HHAT: variants seen among roughly 807,000 people sequenced by gnomAD.
The protein encoded by HHAT is hedgehog acyltransferase.
HHAT carries 47 observed loss-of-function variants against 70.8 expected under a neutral mutation model. The observed-to-expected ratio is 0.66, with a 90% CI of 0.53 to 0.85. The LOEUF (loss-of-function observed/expected upper bound fraction) is 0.85. HHAT is among the 40% of genes least tolerant of loss of function. HHAT has a pLI of 0.00. For missense variants in HHAT, 609 were observed against 604.8 expected, an observed-to-expected ratio of 1.01 and a Z score of -0.07; for synonymous variants, 228 against 247.6, an observed-to-expected ratio of 0.92 and a Z score of 0.74.
intron 11 of HHAT, among the ~76,000 whole-genome samples, chr1:210,627,992 C>T (rs1289122365): frequency 6.6e-6 from 1 of 152,308 alleles, no homozygotes; most frequent in East Asian, 1.9e-4. Flanking sequence ...GGAGCTTTCT[C>T]ATGCCTACCA....
At chr1:210,425,497 C>G (rs1261742614) in intron 7 of HHAT, among the ~76,000 whole-genome samples, 2 of 152,022 alleles carry the variant, frequency 1.3e-5, no homozygotes, top group Admixed American at 1.3e-4. Context: ...TGTCTTTAAT[C>G]GATCTTGGGT....
At chr1:210,388,583 C>T (rs1321718152) in intron 4 of HHAT, among the ~76,000 whole-genome samples, 1 of 152,006 alleles carries the variant, frequency 6.6e-6, no homozygotes, top group Non-Finnish European at 1.5e-5. Flanking sequence ...GGCTGCTGAA[C>T]TGGCAAAATC....
chr1:210,389,423 T>G (rs1166395220), intron 4 of HHAT, among the ~76,000 whole-genome samples: 4 of 152,200 alleles, frequency 2.6e-5, no homozygotes, highest in Admixed American at 6.5e-5. Flanking sequence ...CATGACATGG[T>G]TTGGCTCTGT....
At chr1:210,500,066 C>T (rs1019732213) in intron 8 of HHAT, among the ~76,000 whole-genome samples, 5 of 152,100 alleles carry the variant, frequency 3.3e-5, no homozygotes, top group African/African-American at 1.2e-4. Flanking sequence ...AGCCTGTGTA[C>T]CTCATTCCAG....
At chr1:210,375,046 C>T (rs2090073808) in intron 3 of HHAT, among the ~76,000 whole-genome samples, 1 of 152,244 alleles carries the variant, frequency 6.6e-6, no homozygotes, top group South Asian at 2.1e-4. Flanking sequence ...AGGAACTTGA[C>T]ATTAGTACAA....
chr1:210,498,750 G>A (rs2094696581), intron 8 of HHAT, among the ~76,000 whole-genome samples: 1 of 150,680 alleles, frequency 6.6e-6, no homozygotes, highest in African/African-American at 2.4e-5. Flanking sequence ...TTGCTTCCTT[G>A]CCTTGCAGTC....
chr1:210,424,040 A>C (rs2092984520), intron 7 of HHAT, among the ~76,000 whole-genome samples: 1 of 152,164 alleles, frequency 6.6e-6, no homozygotes, highest in Non-Finnish European at 1.5e-5. Flanking sequence ...GTGGTTCCAC[A>C]CAATTTTTAG....
chr1:210,584,144 G>A (rs532943731), intron 9 of HHAT, among the ~76,000 whole-genome samples: 4 of 151,710 alleles, frequency 2.6e-5, no homozygotes, highest in African/African-American at 7.2e-5. Flanking sequence ...GGTTCACCAC[G>A]TTGGCCAGGC....
At chr1:210,389,323 CAGG>C (rs2091294591) in intron 4 of HHAT, among the ~76,000 whole-genome samples, 1 of 152,214 alleles carries the variant, frequency 6.6e-6, no homozygotes, top group African/African-American at 2.4e-5. Flanking sequence ...TGAGGCAGTG[CAGG>C]AGATCACGTG....
At chr1:210,378,596 T>C (rs979205716) in intron 3 of HHAT, among the ~76,000 whole-genome samples, 4 of 152,248 alleles carry the variant, frequency 2.6e-5, no homozygotes, top group African/African-American at 9.6e-5. Context: ...TGTGATACTT[T>C]GATACCTCTA....
At chr1:210,498,774 C>CTTT (rs36053258) in intron 8 of HHAT, among the ~76,000 whole-genome samples, 5 of 119,854 alleles carry the variant, frequency 4.2e-5, no homozygotes, top group South Asian at 5.5e-4. Flanking sequence ...TTTTTTTTTT[C>CTTT]TTTTTTTTTT....
chr1:210,540,636 ATT>A (rs34401666), intron 9 of HHAT, among the ~76,000 whole-genome samples: 6 of 147,612 alleles, frequency 4.1e-5, no homozygotes, highest in African/African-American at 1.5e-4. Flanking sequence ...GTAGTTATTG[ATT>A]TTTTTTTTTT....
chr1:210,458,508 A>G (rs763206094), intron 7 of HHAT, among the ~76,000 whole-genome samples: 1 of 152,182 alleles, frequency 6.6e-6, no homozygotes, highest in Non-Finnish European at 1.5e-5. Context: ...GGGCAGTTAG[A>G]AAAACTTTAA....
intron 1 of HHAT, among the ~76,000 whole-genome samples, chr1:210,337,469 A>G (rs1390984901): frequency 3.3e-5 from 5 of 152,232 alleles, no homozygotes; most frequent in Non-Finnish European, 7.3e-5. Flanking sequence ...GAAGTCCAAA[A>G]TGGGTCAGCA....
At chr1:210,402,162 A>G (rs553082175) in intron 5 of HHAT, among the ~76,000 whole-genome samples, 1 of 152,216 alleles carries the variant, frequency 6.6e-6, no homozygotes, top group South Asian at 2.1e-4. Context: ...TGGCAAGAAC[A>G]CAAGTCCAAG....
intron 10 of HHAT, among the ~76,000 whole-genome samples, chr1:210,620,424 T>C (rs1330652365): frequency 6.6e-6 from 1 of 152,148 alleles, no homozygotes; most frequent in Non-Finnish European, 1.5e-5. Flanking sequence ...CCTGTCCCCT[T>C]TGCTGTTAGT....
chr1:210,341,900 C>G (rs145018870), intron 1 of HHAT, among the ~76,000 whole-genome samples: 30 of 152,198 alleles, frequency 2.0e-4, no homozygotes, highest in Admixed American at 1.4e-3. Context: ...CCCTCTGATT[C>G]CAGGGAAAAC....
chr1:210,465,070 C>T (rs757252868), intron 8 of HHAT, among the ~76,000 whole-genome samples: 1 of 152,184 alleles, frequency 6.6e-6, no homozygotes, highest in Non-Finnish European at 1.5e-5. Flanking sequence ...ATACTATTTA[C>T]TAAATCTAAG....
chr1:210,370,163 CT>C lies in HHAT; in HGVS notation c.159+7270del, dbSNP rs200442278. ...TATTTTCTCCTAGCTTCTTCAATGA[CT>C]TTTTTTTTTTTTTTTTTTTTTTTTT... is the stretch of plus-strand genomic sequence containing the variant. On this transcript the variant is annotated intron_variant, in intron 3 of 11. Coordinates refer to ENST00000261458, the MANE Select transcript of HHAT (RefSeq NM_018194.6). 8.7e-3 allele frequency among the ~76,000 whole-genome samples: 1,065 copies of C among 122,130 alleles called. 11 individuals are homozygous for C. Among genetic ancestry groups the C allele is most frequent in the African/African-American group, 0.031 (911 of 29,336 alleles). 80.1% of individuals were successfully genotyped at this position (122,130 alleles called of 152,430 possible). A position where few individuals can be genotyped will look rare whatever the true frequency, so the allele number is the denominator to read the frequency against.
Sources: gnomAD v4.1 joint callset for allele counts (sites outside exome capture counted in the v4.1 genomes callset) on GRCh38, gnomAD v4.1.1 for gene constraint, MANE v1.5 for transcripts, NCBI Gene and HGNC (gene_info 2026-07-23, HGNC 2026-07-21) for gene names.